Variants in STK32B observed in about 807,000 individuals in gnomAD.
STK32B encodes the protein serine/threonine kinase 32B, also known as serine/threonine-protein kinase 32B.
Under a neutral mutation model 52.6 loss-of-function variants are expected in STK32B, and 43 were observed. The ratio of observed to expected loss-of-function variants is 0.82; its 90% CI spans 0.64 to 1.05. The LOEUF (loss-of-function observed/expected upper bound fraction) is 1.05. STK32B is among the 50% of genes least tolerant of loss of function. STK32B has a pLI of 0.00. For synonymous variants in STK32B, 238 were observed against 204.3 expected, an observed-to-expected ratio of 1.17 and a Z score of -1.41; for missense variants, 621 against 534.6, an observed-to-expected ratio of 1.16 and a Z score of -1.59.
At chr4:5,302,296 A>G (rs1341708357) in intron 3 of STK32B, among the ~76,000 whole-genome samples, 1 of 151,672 alleles carries the variant, frequency 6.6e-6, no homozygotes, top group East Asian at 1.9e-4. Flanking sequence ...TTCTGTGTGT[A>G]TGTTTTCAGA....
At chr4:5,026,306 TTGTATTAGTCCAATCTCA>T in the STK32B span, among the ~76,000 whole-genome samples, 1 of 152,330 alleles carries the variant, frequency 6.6e-6, no homozygotes, top group South Asian at 2.1e-4. Flanking sequence ...ATGTTCCCAG[TTGTATTAGTCCAATCTCA>T]TGTATTAGTC....
intron 4 of STK32B, among the ~76,000 whole-genome samples, chr4:5,348,618 G>A (rs912376971): frequency 4.6e-5 from 7 of 152,104 alleles, no homozygotes; most frequent in African/African-American, 1.7e-4. Flanking sequence ...CCCCCAAGTT[G>A]CCTGATTACA....
At position 5,449,226 on chromosome 4, in the gene STK32B, G is replaced by A. The variant is rs543305556; in HGVS notation, c.666+2450G>A. On this transcript the variant is annotated intron_variant, in intron 7 of 11. Transcript: ENST00000282908. Reference sequence around the variant, plus strand: ...GGCATGGTGGCGGGTGCCTGTAATCGCAGCTAGTCGAGAGTCTGAGGCAGG... The same window carrying A: ...GGCATGGTGGCGGGTGCCTGTAATCACAGCTAGTCGAGAGTCTGAGGCAGG... Among the ~76,000 whole-genome samples, 6 of 152,166 alleles carry A rather than the reference G, an allele frequency of 3.9e-5. No homozygotes were observed. In the South Asian group the frequency reaches 6.2e-4, roughly 16 times the overall value.
At chr4:5,401,785 C>G (rs77878738) in intron 5 of STK32B, among the ~76,000 whole-genome samples, 1 of 152,176 alleles carries the variant, frequency 6.6e-6, no homozygotes, top group South Asian at 2.1e-4. Flanking sequence ...TACAATAAAG[C>G]TGGGTAATGA....
intron 3 of STK32B, among the ~76,000 whole-genome samples, chr4:5,186,971 T>G (rs1720792934): frequency 6.6e-6 from 1 of 152,180 alleles, no homozygotes; most frequent in South Asian, 2.1e-4. Flanking sequence ...ACTCCGACAC[T>G]CAGGGGGCCT....
At chr4:5,375,756 G>T (rs1735547922) in intron 4 of STK32B, among the ~76,000 whole-genome samples, 1 of 152,064 alleles carries the variant, frequency 6.6e-6, no homozygotes. Context: ...ACTGATGACT[G>T]TTCCTCAGTA....
intron 1 of STK32B, among the ~76,000 whole-genome samples, chr4:5,099,222 C>A (rs1713567041): frequency 6.6e-6 from 1 of 152,106 alleles, no homozygotes; most frequent in Non-Finnish European, 1.5e-5. Context: ...TCCATGGGGT[C>A]CACTCAAATA....
intron 4 of STK32B, among the ~76,000 whole-genome samples, chr4:5,376,739 C>T (rs79884959): frequency 0.011 from 1,602 of 152,242 alleles, 29 homozygotes; most frequent in African/African-American, 0.035. Context: ...ACCTCCACCC[C>T]GCACTCTCCA....
At chr4:5,264,296 C>T (rs191715325) in intron 3 of STK32B, among the ~76,000 whole-genome samples, 1 of 152,246 alleles carries the variant, frequency 6.6e-6, no homozygotes, top group African/African-American at 2.4e-5. Context: ...TCCTTATCAA[C>T]ATTTGCAGTT....
At chr4:5,052,598 C>A (rs1741834513) in intron 1 of STK32B, among the ~76,000 whole-genome samples, 1 of 152,036 alleles carries the variant, frequency 6.6e-6, no homozygotes, top group South Asian at 2.1e-4. Flanking sequence ...TGCAGCGTGT[C>A]CCTGGAAAAC....
chr4:5,442,829 G>T (rs538229670), intron 6 of STK32B, among the ~76,000 whole-genome samples: 34 of 152,266 alleles, frequency 2.2e-4, no homozygotes, highest in African/African-American at 6.7e-4. Context: ...GCATTTGCTT[G>T]TCTGTAAAGG....
At chr4:5,197,220 G>T (rs980615834) in intron 3 of STK32B, among the ~76,000 whole-genome samples, 3 of 152,212 alleles carry the variant, frequency 2.0e-5, no homozygotes, top group Admixed American at 6.5e-5. Context: ...CACTCTGTGG[G>T]AAGTGTTCAG....
intron 1 of STK32B, among the ~76,000 whole-genome samples, chr4:5,073,617 G>T (rs566361797): frequency 2.6e-5 from 4 of 151,756 alleles, no homozygotes; most frequent in South Asian, 2.1e-4. Flanking sequence ...TATATCATTT[G>T]TCTTCAGCCT....
At chr4:5,195,457 C>A (rs12501720) in intron 3 of STK32B, among the ~76,000 whole-genome samples, 14,413 of 152,102 alleles carry the variant, frequency 0.095, 1,250 homozygotes, top group African/African-American at 0.21. Flanking sequence ...CTTTGGGAGG[C>A]CAAGGCAGGC....
intron 2 of STK32B, among the ~76,000 whole-genome samples, chr4:5,167,544 G>C (rs1718973879): frequency 1.3e-5 from 2 of 152,184 alleles, no homozygotes; most frequent in Admixed American, 1.3e-4. Context: ...CATGGGAGAG[G>C]CAGAAAGAAC....
chr4:5,125,683 C>G (rs1234341819), intron 1 of STK32B, among the ~76,000 whole-genome samples: 2 of 152,184 alleles, frequency 1.3e-5, no homozygotes, highest in African/African-American at 4.8e-5. Flanking sequence ...TGGTTTTCCT[C>G]TCTACTCTCA....
chr4:5,399,669 C>T lies in STK32B; in HGVS notation c.472+1425C>T, dbSNP rs1165409738. On this transcript the variant is annotated intron_variant, in intron 5 of 11. Transcript: ENST00000282908. The surrounding 1 kb of genome is among the most constrained non-coding windows in gnomAD (Gnocchi z 5.4). Reference sequence around the variant, plus strand: ...TGTGGCACTCAGCTGAGCCCCCAGCCAGCTGAATGTCCTTGGGCCAGTGGC... The same window carrying T: ...TGTGGCACTCAGCTGAGCCCCCAGCTAGCTGAATGTCCTTGGGCCAGTGGC... 6.6e-6 allele frequency among the ~76,000 whole-genome samples: 1 copy of T among 152,188 alleles called. No individual in the cohort carries two copies. The highest frequency in any genetic ancestry group is 1.5e-5 in the Non-Finnish European group (1 of 68,026).
rs148247866 is a variant in STK32B, at chr4:5,342,557, A to C, written c.434+11164A>C. Reference sequence around the variant, plus strand: ...CAGGTCTCGTGATAATTTACTGACTATCAAAAGGACAGCACCAAGGAGATG... The same window carrying C: ...CAGGTCTCGTGATAATTTACTGACTCTCAAAAGGACAGCACCAAGGAGATG... On this transcript the variant is annotated intron_variant, in intron 4 of 11. Transcript: ENST00000282908. 7.4e-4 allele frequency among the ~76,000 whole-genome samples: 112 copies of C among 152,262 alleles called. 1 individual carries two copies. The East Asian group carries it at 0.021, about 28-fold the overall frequency.
intron 3 of STK32B, among the ~76,000 whole-genome samples, chr4:5,287,659 CA>C (rs1728640522): frequency 6.6e-6 from 1 of 151,034 alleles, no homozygotes; most frequent in African/African-American, 2.5e-5. Flanking sequence ...GTAAATAATA[CA>C]TATGGTATTT....
Sources: gnomAD v4.1 joint callset for allele counts (sites outside exome capture counted in the v4.1 genomes callset) on GRCh38, gnomAD v4.1.1 for gene constraint, Gnocchi (gnomAD v3.1) non-coding constraint, MANE v1.5 for transcripts, NCBI Gene and HGNC (gene_info 2026-07-23, HGNC 2026-07-21) for gene names.